Variants in HTR2B observed in about 807,000 individuals in gnomAD.
HTR2B encodes the protein 5-HT 2B receptor.
A neutral mutation model predicts 39.8 loss-of-function variants in HTR2B; 31 were observed. The ratio of observed to expected loss-of-function variants is 0.78; its 90% CI spans 0.58 to 1.05. HTR2B has a LOEUF of 1.05. Among genes scored for constraint, HTR2B ranks in the 50% least tolerant of loss-of-function variants. The pLI is 0.00. For missense variants in HTR2B, 562 were observed against 578.0 expected (o/e 0.97, Z 0.28); for synonymous variants, 210 against 207.1 (o/e 1.01, Z -0.12).
chr2:231,109,280 G>A lies in HTR2B; in HGVS notation c.683C>T (p.Thr228Ile), dbSNP rs1374060252. The change falls in exon 4 of 4, where the codon ACA becomes ATA. Residue 228 changes from threonine to isoleucine, a missense_variant. Thr to Ile is a moderately conservative substitution (Grantham distance 89). Transcript: ENST00000258400. ...MLFGSLAAFF[T>I]PLAIMIVTYF... Reference sequence around the variant, plus strand: ...GGTGACAATCATAATTGCAAGAGGTGTGAAGAAGGCAGCCAGTGAGCCAAA... The same window carrying A: ...GGTGACAATCATAATTGCAAGAGGTATGAAGAAGGCAGCCAGTGAGCCAAA... 1.2e-6 allele frequency: 2 copies of A among 1,614,170 alleles called. No homozygotes were observed. The highest frequency in any genetic ancestry group is 2.2e-5 in the East Asian group (1 of 44,872).
chr2:231,111,248 C>T (rs185627217), intron 3 of HTR2B, among the ~76,000 whole-genome samples: 1 of 152,304 alleles, frequency 6.6e-6, no homozygotes, highest in Admixed American at 6.5e-5. Context: ...AGAACAATCC[C>T]TAAGATTATG....
intron 2 of HTR2B, among the ~76,000 whole-genome samples, chr2:231,115,991 A>G (rs542163358): frequency 1.3e-5 from 2 of 152,158 alleles, no homozygotes; most frequent in East Asian, 1.9e-4. Context: ...AGATGCACCT[A>G]AGTTTCCTGT....
chr2:231,118,192 T>C (rs1330121904), intron 2 of HTR2B, among the ~76,000 whole-genome samples: 3 of 151,612 alleles, frequency 2.0e-5, no homozygotes, highest in Non-Finnish European at 4.4e-5. Context: ...ACATGTGAAG[T>C]GTTTAGAACA....
rs61731725 is a variant in HTR2B, at chr2:231,109,341, C to G, written c.622G>C (p.Val208Leu). The change falls in exon 4 of 4, where the codon GTG becomes CTG. Residue 208 changes from valine to leucine, a missense_variant. Coordinates refer to ENST00000258400, the MANE Select transcript of HTR2B (RefSeq NM_000867.5). ...DVDNPNNITC[V>L]LTKERFGDFM... ...TCGCCAAAACGTTCCTTTGTCAGCA[C>G]ACAAGTGATATTGTTTGGGTTGTCC... The G allele has an allele frequency of 2.5e-6, 4 of 1,613,896 alleles. No individual in the cohort carries two copies. Among genetic ancestry groups the G allele is most frequent in the East Asian group, 4.5e-5 (2 of 44,886 alleles).
chr2:231,113,600 T>C, intron 3 of HTR2B, 129 bp downstream of exon 3: 1 of 819,192 alleles, frequency 1.2e-6, no homozygotes, highest in Non-Finnish European at 2.2e-6. Context: ...AAGGAGCTTA[T>C]GTTAATGTAT....
chr2:231,109,774 C>CT (rs1322187814), intron 3 of HTR2B, among the ~76,000 whole-genome samples: 1 of 152,142 alleles, frequency 6.6e-6, no homozygotes, highest in African/African-American at 2.4e-5. Flanking sequence ...AGAGAACCTG[C>CT]TTTTTTCTTA....
Position 231,123,578 on chromosome 2 carries a change from T to G in HTR2B, c.187A>C (p.Met63Leu). ...CCACCAATTGTGGGTATTATCACCA[T>G]GAGTATCAGAAGAGCTGCCCAGTGC... Reference protein sequence around the residue: ...KLHWAALLILMVIIPTIGGNT... With the variant: ...KLHWAALLILLVIIPTIGGNT... Residue 63 changes from methionine to leucine, a missense_variant, in exon 2 of 4, where the codon ATG becomes CTG. Met to Leu is a conservative substitution (Grantham distance 15). Transcript: ENST00000258400. 1 of 1,614,130 alleles carries G rather than the reference T, an allele frequency of 6.2e-7. No homozygotes were observed. The highest frequency in any genetic ancestry group is 8.5e-7 in the Non-Finnish European group (1 of 1,179,968).
At chr2:231,111,344 A>C (rs1695150174) in intron 3 of HTR2B, among the ~76,000 whole-genome samples, 1 of 152,136 alleles carries the variant, frequency 6.6e-6, no homozygotes, top group African/African-American at 2.4e-5. Flanking sequence ...TAGTTCATTC[A>C]TTCATCTCAG....
chr2:231,115,493 G>A (rs187717860), intron 2 of HTR2B, among the ~76,000 whole-genome samples: 1 of 152,254 alleles, frequency 6.6e-6, no homozygotes, highest in East Asian at 1.9e-4. Context: ...TTAGTTCTAT[G>A]TTCAGCAGCT....
At chr2:231,110,128 T>C (rs1695104425) in intron 3 of HTR2B, among the ~76,000 whole-genome samples, 1 of 152,174 alleles carries the variant, frequency 6.6e-6, no homozygotes, top group Non-Finnish European at 1.5e-5. Context: ...GAGACAAGCC[T>C]GGCCAACATG....
In HTR2B at chr2:231,109,058, A is replaced by T. The variant is rs375739530; in HGVS notation, c.905T>A (p.Met302Lys). ...TTTCCCAATTGTGGATGTTCTTCGC[A>T]TAAGTGTTTCATCACCTGAGTTGGG... ...ALPNSGDETL[M>K]RRTSTIGKKS... Residue 302 changes from methionine to lysine, a missense_variant, in exon 4 of 4, where the codon ATG (methionine) becomes AAG (lysine). Transcript: ENST00000258400. The T allele has an allele frequency of 1.9e-6, 3 of 1,614,106 alleles. No homozygotes were observed. Among genetic ancestry groups the T allele is most frequent in the Non-Finnish European group, 2.5e-6 (3 of 1,180,048 alleles).
At chr2:231,120,401 A>G (rs1178613090) in intron 2 of HTR2B, among the ~76,000 whole-genome samples, 1 of 152,202 alleles carries the variant, frequency 6.6e-6, no homozygotes, top group Non-Finnish European at 1.5e-5. Context: ...GCCTTGTGTT[A>G]TAAGCTGTTG....
chr2:231,124,634 C>T (rs1343074745), intron 1 of HTR2B, among the ~76,000 whole-genome samples: 2 of 152,064 alleles, frequency 1.3e-5, no homozygotes, highest in Non-Finnish European at 2.9e-5. Context: ...TTAGTAATTT[C>T]ATCTCTCATG....
chr2:231,122,698 T>G (rs1574751676), intron 2 of HTR2B, among the ~76,000 whole-genome samples: 6 of 152,114 alleles, frequency 3.9e-5, no homozygotes, highest in Admixed American at 3.9e-4. Flanking sequence ...AAGATTTCAG[T>G]GTCAAACTAT....
chr2:231,108,907 G>GGAATC lies in HTR2B; in HGVS notation c.1051_1055dup (p.Cys353IlefsTer18). ...GCATTTGGAGAGTAGTTTGGTTACA[G>GGAATC]GAATCACATAAAACTAAAGTTATAT... On this transcript the variant is annotated frameshift_variant, in exon 4 of 4. Coordinates refer to ENST00000258400, the MANE Select transcript of HTR2B (RefSeq NM_000867.5). LOFTEE classifies it high-confidence loss of function. 2.5e-6 allele frequency: 4 copies of GGAATC among 1,614,028 alleles called. No individual in the cohort carries two copies. The South Asian group carries it at 4.4e-5, about 18-fold the overall frequency.
intron 2 of HTR2B, among the ~76,000 whole-genome samples, chr2:231,114,723 TAAAA>T (rs34365737): frequency 6.6e-6 from 1 of 152,164 alleles, no homozygotes; most frequent in African/African-American, 2.4e-5. Flanking sequence ...ATATTAACCT[TAAAA>T]AAATTTTAGG....
In HTR2B at chr2:231,123,479, A is replaced by G. The variant is rs1695619614; in HGVS notation, c.286T>C (p.Leu96=). The part of the protein sequence containing the change: ...QYATNYFLMS[L]AVADLLVGLF... ...CCAACCAGCAAATCAGCCACCGCCA[A>G]GGACATTAGAAAGTAATTAGTAGCA... The change falls in exon 2 of 4, where the codon TTG becomes CTG. Residue 96 remains leucine (L), a synonymous_variant. Transcript: ENST00000258400. 1 of 1,613,978 alleles carries G rather than the reference A, an allele frequency of 6.2e-7. No homozygotes were observed. The highest frequency in any genetic ancestry group is 8.5e-7 in the Non-Finnish European group (1 of 1,179,946).
At chr2:231,120,580 G>T (rs1423190186) in intron 2 of HTR2B, among the ~76,000 whole-genome samples, 1 of 152,146 alleles carries the variant, frequency 6.6e-6, no homozygotes, top group East Asian at 1.9e-4. Context: ...GGGAAAATAT[G>T]AATTCAAACC....
chr2:231,123,390 C>T (rs757194126), intron 2 of HTR2B, 23 bp downstream of exon 2: 9 of 1,533,702 alleles, frequency 5.9e-6, no homozygotes, highest in Non-Finnish European at 8.1e-6. Flanking sequence ...GGTTTGATGG[C>T]ACAAACAAAG....
Sources: allele counts gnomAD v4.1 joint callset (sites outside exome capture counted in the v4.1 genomes callset), GRCh38; gene constraint gnomAD v4.1.1; transcripts MANE v1.5; gene names NCBI Gene and HGNC (gene_info 2026-07-23, HGNC 2026-07-21).